The following CLSTN2 variants were observed in gnomAD, a reference collection of about 807,000 sequenced individuals.
The protein encoded by CLSTN2 is calsyntenin 2, also known as calsyntenin-2.
A neutral mutation model predicts 101.2 loss-of-function variants in CLSTN2; 48 were observed. The observed-to-expected ratio is 0.47, with a 90% CI of 0.38 to 0.60. The LOEUF (loss-of-function observed/expected upper bound fraction) is 0.60, where lower values mean the gene tolerates loss of function less well. CLSTN2 is among the 20% of genes least tolerant of loss of function. The pLI, the probability that CLSTN2 is intolerant of heterozygous loss-of-function variation, is 0.00. For missense variants in CLSTN2, 1,160 were observed against 1,238.2 expected, an observed-to-expected ratio of 0.94 and a Z score of 0.95; for synonymous variants, 481 against 463.6, an observed-to-expected ratio of 1.04 and a Z score of -0.48.
chr3:140,089,772 G>A (rs2008744416), intron 1 of CLSTN2, among the ~76,000 whole-genome samples: 1 of 151,180 alleles, frequency 6.6e-6, no homozygotes, highest in Non-Finnish European at 1.5e-5. Context: ...CACCATACCT[G>A]GCCTATTTTT....
chr3:140,219,241 G>T (rs551876979), intron 2 of CLSTN2, among the ~76,000 whole-genome samples: 62 of 152,054 alleles, frequency 4.1e-4, no homozygotes, highest in African/African-American at 1.5e-3. Flanking sequence ...TAGGGAAGAG[G>T]GTGCAGAGGG....
At chr3:140,199,025 G>A (rs1205008242) in intron 2 of CLSTN2, among the ~76,000 whole-genome samples, 3 of 152,174 alleles carry the variant, frequency 2.0e-5, no homozygotes, top group African/African-American at 7.2e-5. Context: ...CCCCTGTGTG[G>A]GGAAATTATT....
At chr3:140,230,363 A>T (rs1033347798) in intron 2 of CLSTN2, among the ~76,000 whole-genome samples, 1 of 152,250 alleles carries the variant, frequency 6.6e-6, no homozygotes, top group South Asian at 2.1e-4. Flanking sequence ...TTACTCAATG[A>T]CTAAAGCTAG....
At chr3:140,312,483 A>G (rs2087179915) in intron 2 of CLSTN2, among the ~76,000 whole-genome samples, 1 of 152,186 alleles carries the variant, frequency 6.6e-6, no homozygotes, top group South Asian at 2.1e-4. Context: ...CATGGTTATC[A>G]TCTTTCGTCT....
At chr3:140,142,716 A>G (rs560847590) in intron 1 of CLSTN2, among the ~76,000 whole-genome samples, 2 of 152,150 alleles carry the variant, frequency 1.3e-5, no homozygotes, top group Non-Finnish European at 2.9e-5. Flanking sequence ...TCCTTTCGTG[A>G]CCTGGAGAGA....
At chr3:140,227,872 G>A (rs1379504867) in intron 2 of CLSTN2, among the ~76,000 whole-genome samples, 1 of 152,144 alleles carries the variant, frequency 6.6e-6, no homozygotes, top group African/African-American at 2.4e-5. Context: ...TGGAGTGGCT[G>A]GGACACAGGA....
At chr3:140,485,124 A>G (rs1934209744) in intron 8 of CLSTN2, among the ~76,000 whole-genome samples, 1 of 152,174 alleles carries the variant, frequency 6.6e-6, no homozygotes, top group South Asian at 2.1e-4. Flanking sequence ...GTGGTGACGT[A>G]CAGATGGGAT....
intron 2 of CLSTN2, among the ~76,000 whole-genome samples, chr3:140,352,329 C>A (rs1363606067): frequency 6.6e-6 from 1 of 152,166 alleles, no homozygotes; most frequent in African/African-American, 2.4e-5. Context: ...GGATGGAAGT[C>A]CCTATTGCTC....
At chr3:140,241,196 G>T (rs2086463742) in intron 2 of CLSTN2, among the ~76,000 whole-genome samples, 1 of 152,174 alleles carries the variant, frequency 6.6e-6, no homozygotes, top group Admixed American at 6.5e-5. Context: ...TTGTCAAATT[G>T]TGCCTACCCA....
intron 2 of CLSTN2, among the ~76,000 whole-genome samples, chr3:140,201,217 C>G (rs947008816): frequency 6.6e-6 from 1 of 152,112 alleles, no homozygotes; most frequent in African/African-American, 2.4e-5. Flanking sequence ...CAACTGGGGA[C>G]ATCAGGATAG....
chr3:139,978,287 T>A (rs1160053284), intron 1 of CLSTN2, among the ~76,000 whole-genome samples: 1 of 152,228 alleles, frequency 6.6e-6, no homozygotes, highest in Non-Finnish European at 1.5e-5. Context: ...TCTATACACT[T>A]GTTTTTGAAC....
At chr3:140,473,898 C>T (rs1322910554) in intron 8 of CLSTN2, among the ~76,000 whole-genome samples, 3 of 152,132 alleles carry the variant, frequency 2.0e-5, no homozygotes, top group Admixed American at 2.0e-4. Flanking sequence ...GCTGGGACTA[C>T]AGGCACCCGC....
intron 2 of CLSTN2, among the ~76,000 whole-genome samples, chr3:140,262,217 A>G (rs370763656): frequency 6.6e-6 from 1 of 152,292 alleles, no homozygotes; most frequent in Admixed American, 6.5e-5. Context: ...AAAAGTATAA[A>G]CTAGAAGCAA....
At chr3:140,095,995 A>G (rs1479988081) in intron 1 of CLSTN2, among the ~76,000 whole-genome samples, 1 of 152,222 alleles carries the variant, frequency 6.6e-6, no homozygotes, top group Non-Finnish European at 1.5e-5. Flanking sequence ...GATAAAGCAC[A>G]ATGGGTAGAA....
chr3:140,397,761 A>T (rs1243354228), intron 2 of CLSTN2, among the ~76,000 whole-genome samples: 1 of 152,230 alleles, frequency 6.6e-6, no homozygotes, highest in Non-Finnish European at 1.5e-5. Flanking sequence ...TTGGGAGAAC[A>T]TAAACATTCA....
chr3:140,137,038 T>C (rs1249110271), intron 1 of CLSTN2, among the ~76,000 whole-genome samples: 4 of 152,228 alleles, frequency 2.6e-5, no homozygotes, highest in Non-Finnish European at 5.9e-5. Flanking sequence ...GTTGAAGCTA[T>C]ATTTATTCAA....
intron 1 of CLSTN2, among the ~76,000 whole-genome samples, chr3:140,063,354 G>A (rs1027450659): frequency 2.7e-4 from 41 of 152,210 alleles, no homozygotes; most frequent in African/African-American, 9.4e-4. Flanking sequence ...GCACTTGAGT[G>A]GTGTCTGCTT....
intron 2 of CLSTN2, among the ~76,000 whole-genome samples, chr3:140,276,117 G>A (rs1342404873): frequency 1.3e-5 from 2 of 152,164 alleles, no homozygotes; most frequent in Non-Finnish European, 2.9e-5. Flanking sequence ...TTTCCACCCA[G>A]AGAGCAAAGA....
chr3:140,080,190 CT>C (rs1289276335), intron 1 of CLSTN2, among the ~76,000 whole-genome samples: 3 of 152,174 alleles, frequency 2.0e-5, no homozygotes, highest in African/African-American at 7.2e-5. Flanking sequence ...ATTGAACCTC[CT>C]TCTCTGAAGC....
Sources: gnomAD v4.1 joint callset for allele counts (sites outside exome capture counted in the v4.1 genomes callset) on GRCh38, gnomAD v4.1.1 for gene constraint, MANE v1.5 for transcripts, NCBI Gene and HGNC (gene_info 2026-07-23, HGNC 2026-07-21) for gene names.